Variants in PSMD4 observed in about 807,000 individuals in gnomAD.
PSMD4 encodes the protein proteasome 26S subunit ubiquitin receptor, non-ATPase 4.
Under a neutral mutation model 39.7 loss-of-function variants are expected in PSMD4, and 5 were observed. The ratio of observed to expected loss-of-function variants is 0.13; its 90% CI spans 0.07 to 0.26. PSMD4 has a LOEUF of 0.26. PSMD4 is among the 10% of genes least tolerant of loss of function. The probability of loss-of-function intolerance (pLI) is 1.00; values close to 1 mark genes in which losing one functional copy is unlikely to be tolerated. For synonymous variants in PSMD4, 143 were observed against 174.6 expected (o/e 0.82, Z 1.43); for missense variants, 272 against 486.1 (o/e 0.56, Z 4.14).
chr1:151,264,981 C>A, intron 4 of PSMD4, 63 bp downstream of exon 4: 2 of 1,471,362 alleles, frequency 1.4e-6, no homozygotes, highest in Non-Finnish European at 1.9e-6. Context: ...GTCTTCCAGC[C>A]CTCAGGAGAA....
chr1:151,264,078 G>A, intron 3 of PSMD4, 50 bp downstream of exon 3: 1 of 1,355,768 alleles, frequency 7.4e-7, no homozygotes, highest in Non-Finnish European at 1.0e-6. Context: ...CTGAGGTCCT[G>A]CCTCCATCAT....
rs201262155 is a variant in PSMD4, at chr1:151,267,329, G to A, written c.1120G>A (p.Glu374Lys). ...GGACGGCAAGAAGGACAAGAAGGAG[G>A]AAGACAAGAAGTGAGACTGGAGGGA... ...TKDGKKDKKE[E>K]DKK The change falls in exon 10 of 10, where the codon GAA becomes AAA. Residue 374 changes from glutamate (E) to lysine (K), a missense_variant. By Grantham distance (56) the Glu-to-Lys change is moderately conservative. Around this residue, in one of 3 missense-constraint regions of PSMD4, gnomAD observed 113 missense variants for 184.6 expected, o/e 0.61. Transcript: ENST00000368884. 1.1e-5 allele frequency: 18 copies of A among 1,613,778 alleles called. No homozygotes were observed. The highest frequency in any genetic ancestry group is 1.7e-5 in the Admixed American group (1 of 59,992).
intron 1 of PSMD4, among the ~76,000 whole-genome samples, chr1:151,255,431 A>C (rs1449590631): frequency 6.6e-6 from 1 of 152,210 alleles, no homozygotes; most frequent in Non-Finnish European, 1.5e-5. Flanking sequence ...ATTTAAACCC[A>C]CGGCTGTCTG....
intron 1 of PSMD4, among the ~76,000 whole-genome samples, chr1:151,257,715 C>CTTTTTTTT (rs71090149): frequency 8.6e-4 from 76 of 88,732 alleles, no homozygotes; most frequent in African/African-American, 1.7e-3. Context: ...ACCTGGCTTT[C>CTTTTTTTT]TTTTTTTTTT....
chr1:151,256,356 A>T lies in PSMD4; in HGVS notation c.26+1548A>T, dbSNP rs1332665872. ...GAGACTCCCTCTCAAAAAAAAAAAAATAATAATAAAATAAATAAATAAATA... is the reference window on the plus strand; with the variant it reads ...GAGACTCCCTCTCAAAAAAAAAAAATTAATAATAAAATAAATAAATAAATA... On this transcript the variant is annotated intron_variant, in intron 1 of 9. Transcript: ENST00000368884. Among the ~76,000 whole-genome samples the T allele has an allele frequency of 8.4e-5, 6 of 71,690 alleles. 1 individual carries two copies. Among genetic ancestry groups the T allele is most frequent in the Non-Finnish European group, 1.1e-4 (4 of 35,460 alleles). 47.0% of individuals were successfully genotyped at this position (71,690 alleles called of 152,430 possible).
chr1:151,260,056 G>T (rs1019359684), intron 1 of PSMD4, among the ~76,000 whole-genome samples: 1 of 151,954 alleles, frequency 6.6e-6, no homozygotes, highest in Non-Finnish European at 1.5e-5. Flanking sequence ...AAATTAGCCG[G>T]GTATGGTGGT....
intron 1 of PSMD4, 127 bp from the exon 2 acceptor site, chr1:151,262,034 A>T (rs992317141): frequency 2.1e-6 from 2 of 974,486 alleles, no homozygotes; most frequent in Non-Finnish European, 3.0e-6. Context: ...CTGTATATTT[A>T]AAAAAGAAAA....
intron 1 of PSMD4, among the ~76,000 whole-genome samples, chr1:151,256,227 C>G (rs1392711788): frequency 2.7e-5 from 4 of 150,808 alleles, no homozygotes; most frequent in East Asian, 2.0e-4. Context: ...GCCTGTAGTC[C>G]CAGCTACTCC....
Position 151,266,429 on chromosome 1 carries a change from G to A in PSMD4, c.885G>A (p.Leu295=). The A allele has an allele frequency of 6.2e-7, 1 of 1,614,214 alleles. No homozygotes were observed. The highest frequency in any genetic ancestry group is 1.1e-5 in the South Asian group (1 of 91,086). ...TTGCTTATGCCATGCAGATGTCCCT[G>A]CAGGGAGCAGGTGAGCCAGAGCCTG... ...EQIAYAMQMS[L]QGAEFGQAES... is the part of the protein sequence containing the mutation. The change falls in exon 8 of 10, where the codon CTG becomes CTA. Residue 295 remains leucine, a synonymous_variant. Coordinates refer to ENST00000368884, the MANE Select transcript of PSMD4 (RefSeq NM_002810.4).
chr1:151,263,327 G>A lies in PSMD4; in HGVS notation c.168-587G>A, dbSNP rs368932825. 2.4e-4 allele frequency among the ~76,000 whole-genome samples: 36 copies of A among 152,026 alleles called. 1 individual carries two copies. The highest frequency in any genetic ancestry group is 1.7e-3 in the East Asian group (9 of 5,184). On this transcript the variant is annotated intron_variant, in intron 2 of 9. Coordinates refer to ENST00000368884, the MANE Select transcript of PSMD4 (RefSeq NM_002810.4). Reference sequence around the variant, plus strand: ...AAAAATACAAAAATTAGCCGGGCGTGGTGGTGTAGATCTGTAATCCCAGCT... The same window carrying A: ...AAAAATACAAAAATTAGCCGGGCGTAGTGGTGTAGATCTGTAATCCCAGCT...
At chr1:151,262,385 T>C in intron 2 of PSMD4, 84 bp downstream of exon 2, 1 of 1,549,130 alleles carries the variant, frequency 6.5e-7, no homozygotes, top group Non-Finnish European at 8.9e-7. Context: ...AAGCTGCTTT[T>C]GCCCATCACC....
chr1:151,255,767 C>T (rs587676359), intron 1 of PSMD4, among the ~76,000 whole-genome samples: 1 of 151,946 alleles, frequency 6.6e-6, no homozygotes. Context: ...CTCTGTCTCC[C>T]GGACTGGAGT....
chr1:151,257,651 G>T (rs1333091005), intron 1 of PSMD4, among the ~76,000 whole-genome samples: 7 of 148,154 alleles, frequency 4.7e-5, no homozygotes, highest in Non-Finnish European at 7.4e-5. Context: ...AGGTTCAAGT[G>T]ATTATTGTGC....
chr1:151,266,723 ATGTAAACC>A, intron 9 of PSMD4, 136 bp downstream of exon 9: 1 of 1,072,588 alleles, frequency 9.3e-7, no homozygotes, highest in Non-Finnish European at 1.4e-6. Context: ...CATTTCTTAC[ATGTAAACC>A]TTGCTAAGGT....
intron 1 of PSMD4, among the ~76,000 whole-genome samples, 174 bp downstream of exon 1, chr1:151,254,982 G>A (rs1693130710): frequency 1.3e-5 from 2 of 152,208 alleles, no homozygotes; most frequent in South Asian, 4.1e-4. Context: ...TGGAGTGGCG[G>A]ATAGTCCCGG....
At chr1:151,264,738 C>T in intron 3 of PSMD4, 94 bp from the exon 4 acceptor site, 1 of 1,006,042 alleles carries the variant, frequency 9.9e-7, no homozygotes. Context: ...ACTTCAGGTA[C>T]AAAGAAACTG....
intron 9 of PSMD4, chr1:151,266,921 C>T (rs1459902908): frequency 1.4e-6 from 1 of 707,490 alleles, no homozygotes; most frequent in Admixed American, 2.0e-5. Flanking sequence ...AATGTGATGG[C>T]ATCTGTTTTT....
At position 151,265,579 on chromosome 1, in the gene PSMD4, AGATCCCAGTGCT is replaced by A; in HGVS notation, c.630_641del (p.Ser211_Pro214del). 6.2e-7 allele frequency: 1 copy of A among 1,614,122 alleles called. No individual in the cohort carries two copies. Among genetic ancestry groups the A allele is most frequent in the Non-Finnish European group, 8.5e-7 (1 of 1,180,010 alleles). ...GTGCCAGTGACTTTGAATTTGGAGTAGATCCCAGTGCTGATCCTGAGCTGGCCTTGGTGAGCA... is the reference window on the plus strand; with the variant it reads ...GTGCCAGTGACTTTGAATTTGGAGTAGATCCTGAGCTGGCCTTGGTGAGCA... On this transcript the variant is annotated inframe_deletion, in exon 6 of 10. Coordinates refer to ENST00000368884, the MANE Select transcript of PSMD4 (RefSeq NM_002810.4).
chr1:151,260,657 AC>A, intron 1 of PSMD4, among the ~76,000 whole-genome samples: 1 of 151,460 alleles, frequency 6.6e-6, no homozygotes, highest in Non-Finnish European at 1.5e-5. Context: ...TGCCTCAGCC[AC>A]CCGAATAGCT....
Sources: gnomAD v4.1 joint callset for allele counts (sites outside exome capture counted in the v4.1 genomes callset) on GRCh38, gnomAD v4.1.1 for gene constraint, gnomAD v4.1.1 regional missense constraint, MANE v1.5 for transcripts, NCBI Gene and HGNC (gene_info 2026-07-23, HGNC 2026-07-21) for gene names.